The following DNAH2 variants were observed in gnomAD, a reference collection of about 807,000 sequenced individuals.
The protein encoded by DNAH2 is axonemal beta dynein heavy chain 2.
Under a neutral mutation model 523.5 loss-of-function variants are expected in DNAH2, and 323 were observed. The observed-to-expected ratio is 0.62, with a 90% CI of 0.56 to 0.68. The LOEUF (loss-of-function observed/expected upper bound fraction) is 0.68, where lower values mean the gene tolerates loss of function less well. Ranked by LOEUF, DNAH2 falls within the 30% of genes least tolerant of loss-of-function variation. The pLI is 0.00. For synonymous variants in DNAH2, 2,093 were observed against 2,177.4 expected, an observed-to-expected ratio of 0.96 and a Z score of 1.08; for missense variants, 4,907 against 5,701.5, an observed-to-expected ratio of 0.86 and a Z score of 4.49.
chr17:7,733,482 T>C (rs867002335), intron 5 of DNAH2, among the ~76,000 whole-genome samples, 167 bp downstream of exon 5: 2 of 146,910 alleles, frequency 1.4e-5, no homozygotes, highest in South Asian at 2.2e-4. Flanking sequence ...CTTCTTTTTT[T>C]TTTTTTTTTT....
At chr17:7,766,807 A>G (rs983303586) in intron 22 of DNAH2, among the ~76,000 whole-genome samples, 12 of 151,684 alleles carry the variant, frequency 7.9e-5, no homozygotes, top group South Asian at 2.1e-4. Flanking sequence ...ACCACTATGC[A>G]TGGCTAATTT....
At chr17:7,783,020 A>G (rs1464079153) in intron 39 of DNAH2, among the ~76,000 whole-genome samples, 1 of 152,168 alleles carries the variant, frequency 6.6e-6, no homozygotes, top group Non-Finnish European at 1.5e-5. Context: ...GCAAAGAGAG[A>G]AGCCAATCCA....
In DNAH2 at chr17:7,821,365, G is replaced by T; in HGVS notation, c.11138G>T (p.Gly3713Val). 1.2e-6 allele frequency: 2 copies of T among 1,612,722 alleles called. No homozygotes were observed. The highest frequency in any genetic ancestry group is 1.7e-6 in the Non-Finnish European group (2 of 1,179,208). The part of the protein sequence containing the change: ...MDEYNFFLRG[G>V]VVLDREGQMD... ...GAATACAACTTCTTTCTACGTGGGG[G>T]TGTGGTGAGTTGGGCAGAGAGCACA... is the stretch of plus-strand genomic sequence containing the variant. The change falls in exon 73 of 86, where the codon GGT becomes GTT. Residue 3713 changes from glycine (G) to valine (V), a missense_variant. Gly to Val is a moderately radical substitution (Grantham distance 109). This residue lies in a region of DNAH2 where 1,851 missense variants were observed against 2,139.4 expected (regional missense o/e 0.87). Transcript: ENST00000572933. This position sits in a 1 kb window ranked among gnomAD's most constrained non-coding sequence, Gnocchi z 5.0.
chr17:7,771,567 C>A, intron 28 of DNAH2, 99 bp downstream of exon 28: 1 of 1,330,594 alleles, frequency 7.5e-7, no homozygotes, highest in Non-Finnish European at 1.0e-6. Flanking sequence ...ATGCCCCCAG[C>A]TCTCCTAACA....
intron 4 of DNAH2, 141 bp downstream of exon 4, chr17:7,727,433 C>T: frequency 8.6e-7 from 1 of 1,157,616 alleles, no homozygotes; most frequent in Non-Finnish European, 1.2e-6. Context: ...TACTTGGTGG[C>T]AAGGATAGGA....
At chr17:7,767,544 AC>A in intron 22 of DNAH2, among the ~76,000 whole-genome samples, 1 of 151,352 alleles carries the variant, frequency 6.6e-6, no homozygotes, top group Non-Finnish European at 1.5e-5. Context: ...GCACCGTTTC[AC>A]ATTCCCACTA....
At chr17:7,809,590 G>C (rs1233345821) in intron 63 of DNAH2, among the ~76,000 whole-genome samples, 1 of 152,158 alleles carries the variant, frequency 6.6e-6, no homozygotes, top group Non-Finnish European at 1.5e-5. Context: ...TTTTCACCTA[G>C]ATGAATCATA....
rs763760275 is a variant in DNAH2 at position 7,824,169 on chromosome 17, C to T, written c.11527C>T (p.Pro3843Ser). The change falls in exon 76 of 86, where the codon CCT becomes TCT. Residue 3843 changes from proline (P) to serine (S), a missense_variant. Physicochemically the swap from Pro to Ser is moderately conservative, Grantham distance 74 (BLOSUM62 -1). This residue lies in a region of DNAH2 where 1,851 missense variants were observed against 2,139.4 expected (regional missense o/e 0.87). Transcript: ENST00000572933. ...PRSPLVFILS[P>S]GVDPTSALLQ... ...ATCCCCACTCGTGTTCATCCTGTCC[C>T]CTGGTGTGGACCCCACCAGTGCCCT... 6.3e-7 allele frequency: 1 copy of T among 1,596,596 alleles called. No individual in the cohort carries two copies. The highest frequency in any genetic ancestry group is 8.5e-7 in the Non-Finnish European group (1 of 1,173,756).
At chr17:7,771,599 T>C in intron 28 of DNAH2, 131 bp downstream of exon 28, 2 of 941,292 alleles carry the variant, frequency 2.1e-6, no homozygotes, top group Non-Finnish European at 3.1e-6. Context: ...CATCACCTCT[T>C]CTAAGCATTA....
chr17:7,739,667 C>A (rs2075248900), intron 8 of DNAH2, 66 bp from the exon 9 acceptor site: 2 of 1,448,828 alleles, frequency 1.4e-6, no homozygotes, highest in Non-Finnish European at 9.5e-7. Flanking sequence ...TGAAGCTAAA[C>A]CAAATAGCTT....
rs1391897080 is a variant in DNAH2 at position 7,798,957 on chromosome 17, G to C, written c.8560-146G>C. On this transcript the variant is annotated intron_variant, in intron 55 of 85. Transcript: ENST00000572933. This position sits in a 1 kb window ranked among gnomAD's most constrained non-coding sequence, Gnocchi z 5.5. ...CTTGTAGTTCCAGCTACTCGGGGGTGGGGGGTGCTGAAGTGGGAGGATGGT... is the reference window on the plus strand; with the variant it reads ...CTTGTAGTTCCAGCTACTCGGGGGTCGGGGGTGCTGAAGTGGGAGGATGGT... 15 of 1,207,288 alleles carry C rather than the reference G, an allele frequency of 1.2e-5. No homozygotes were observed. The highest frequency in any genetic ancestry group is 1.6e-5 in the Non-Finnish European group (14 of 871,930). The allele number at this position is 1,207,288 out of a possible 1,614,324, so 74.8% of individuals were successfully genotyped here.
chr17:7,734,712 T>C lies in DNAH2; in HGVS notation c.978+4T>C, dbSNP rs199945580. 1,123 of 1,611,864 alleles carry C rather than the reference T, an allele frequency of 7.0e-4. No homozygotes were observed. The highest frequency in any genetic ancestry group is 8.9e-4 in the Non-Finnish European group (1,053 of 1,179,362). On this transcript the variant is annotated splice_donor_region_variant and intron_variant, in intron 7 of 85. Transcript: ENST00000572933. ...GAAACTGGCACAGCAGATCCAGGTTTGTGAGCGAATCAAAGGATTCAGGCT... is the reference window on the plus strand; with the variant it reads ...GAAACTGGCACAGCAGATCCAGGTTCGTGAGCGAATCAAAGGATTCAGGCT...
At chr17:7,751,920 G>GTGT (rs2075692675) in intron 12 of DNAH2, among the ~76,000 whole-genome samples, 1 of 145,876 alleles carries the variant, frequency 6.9e-6, no homozygotes, top group Non-Finnish European at 1.5e-5. Flanking sequence ...ATAGTTGTGG[G>GTGT]GTGTGTGTGT....
intron 58 of DNAH2, 141 bp downstream of exon 58, chr17:7,802,158 C>A: frequency 8.3e-7 from 1 of 1,200,298 alleles, no homozygotes; most frequent in South Asian, 1.5e-5. Flanking sequence ...GGAGTTGGGG[C>A]TTCCCGTGGG....
At chr17:7,816,229 G>A (rs2077661601) in intron 63 of DNAH2, among the ~76,000 whole-genome samples, 1 of 152,114 alleles carries the variant, frequency 6.6e-6, no homozygotes. Context: ...TGTGCTGTCT[G>A]GCCTTCACTT....
At chr17:7,730,193 C>G (rs929024352) in intron 4 of DNAH2, among the ~76,000 whole-genome samples, 1 of 148,846 alleles carries the variant, frequency 6.7e-6, no homozygotes, top group Non-Finnish European at 1.5e-5. Flanking sequence ...AAAAGGGAGA[C>G]TGCAGATTTT....
chr17:7,723,624 C>CT lies in DNAH2; in HGVS notation c.167-3dup. On this transcript the variant is annotated splice_region_variant and splice_polypyrimidine_tract_variant and intron_variant, in intron 2 of 85. Coordinates refer to ENST00000572933, the MANE Select transcript of DNAH2 (RefSeq NM_020877.5). ...CTTCCTTTTTGTATGTTTATTCTTC[C>CT]TAGAGCCACGGTTGGAGGGACCTCA... 4.3e-6 allele frequency: 7 copies of CT among 1,613,636 alleles called. No individual in the cohort carries two copies. Among genetic ancestry groups the CT allele is most frequent in the Non-Finnish European group, 5.9e-6 (7 of 1,179,762 alleles).
intron 48 of DNAH2, among the ~76,000 whole-genome samples, chr17:7,793,447 T>TTCTTTTTCTTTCTTTCTTTTTC (rs774059490): frequency 1.0e-5 from 1 of 96,416 alleles, no homozygotes; most frequent in Non-Finnish European, 2.4e-5. Context: ...CTTTCTTTCT[T>TTCTTTTTCTTTCTTTCTTTTTC]TTTCTTTCTT....
rs372236219 is a variant in DNAH2 at position 7,786,872 on chromosome 17, T to C, written c.6467-25T>C. Reference sequence around the variant, plus strand: ...GTGCAAGGTGAGCGGCTCCCCGGTTTCCTCATCACCCACCATCTACTCAGA... The same window carrying C: ...GTGCAAGGTGAGCGGCTCCCCGGTTCCCTCATCACCCACCATCTACTCAGA... On this transcript the variant is annotated intron_variant, in intron 41 of 85. Coordinates refer to ENST00000572933, the MANE Select transcript of DNAH2 (RefSeq NM_020877.5). The surrounding 1 kb of genome is among the most constrained non-coding windows in gnomAD (Gnocchi z 7.5). 1.9e-6 allele frequency: 3 copies of C among 1,613,890 alleles called. No individual in the cohort carries two copies. The highest frequency in any genetic ancestry group is 1.6e-4 in the Middle Eastern group (1 of 6,082).
Sources: gnomAD v4.1 joint callset for allele counts (sites outside exome capture counted in the v4.1 genomes callset) on GRCh38, gnomAD v4.1.1 for gene constraint, gnomAD v4.1.1 regional missense constraint, Gnocchi (gnomAD v3.1) non-coding constraint, MANE v1.5 for transcripts, NCBI Gene and HGNC (gene_info 2026-07-23, HGNC 2026-07-21) for gene names.